Variants in SGCZ observed in about 807,000 individuals in gnomAD.
SGCZ encodes the protein sarcoglycan zeta.
In SGCZ, 40 loss-of-function variants were observed where a neutral mutation model predicts 41.3. The ratio of observed to expected loss-of-function variants is 0.97; its 90% CI spans 0.75 to 1.26. The LOEUF is 1.26. Ranked by LOEUF, SGCZ falls within the 50% of genes most tolerant of loss-of-function variation. SGCZ has a pLI of 0.00. For synonymous variants in SGCZ, 206 were observed against 137.5 expected, an observed-to-expected ratio of 1.50 and a Z score of -3.49; for missense variants, 552 against 369.8, an observed-to-expected ratio of 1.49 and a Z score of -4.04.
intron 1 of SGCZ, among the ~76,000 whole-genome samples, chr8:14,725,036 C>G (rs924749258): frequency 5.9e-5 from 9 of 152,172 alleles, no homozygotes; most frequent in Admixed American, 4.6e-4. Flanking sequence ...GGCCATCATT[C>G]TACTCTCTAT....
intron 2 of SGCZ, among the ~76,000 whole-genome samples, chr8:14,328,797 G>C (rs978573420): frequency 2.6e-5 from 4 of 152,268 alleles, no homozygotes; most frequent in Non-Finnish European, 5.9e-5. Flanking sequence ...GAGGCTTTAA[G>C]ACATTATTAG....
At chr8:14,574,885 A>C (rs1048260061) in intron 1 of SGCZ, among the ~76,000 whole-genome samples, 1 of 152,220 alleles carries the variant, frequency 6.6e-6, no homozygotes, top group African/African-American at 2.4e-5. Context: ...ACTGAGCAAC[A>C]CTGAAAAAAT....
intron 2 of SGCZ, among the ~76,000 whole-genome samples, chr8:14,450,746 G>A (rs890836873): frequency 3.3e-5 from 5 of 152,096 alleles, no homozygotes; most frequent in Admixed American, 3.3e-4. Context: ...TCATTATGAT[G>A]GATTTCTGTG....
At chr8:14,339,541 C>T (rs377641199) in intron 2 of SGCZ, among the ~76,000 whole-genome samples, 51 of 152,264 alleles carry the variant, frequency 3.3e-4, no homozygotes, top group African/African-American at 1.1e-3. Flanking sequence ...TTCCACACGA[C>T]GAATCAGTTG....
chr8:14,293,450 C>T (rs777191001), intron 3 of SGCZ, among the ~76,000 whole-genome samples: 4 of 151,958 alleles, frequency 2.6e-5, no homozygotes, highest in Non-Finnish European at 5.9e-5. Context: ...CACCTACAGA[C>T]ACCCAGTGAT....
At chr8:14,430,841 G>T (rs941215203) in intron 2 of SGCZ, among the ~76,000 whole-genome samples, 1 of 152,160 alleles carries the variant, frequency 6.6e-6, no homozygotes, top group African/African-American at 2.4e-5. Context: ...TAAGAATTCA[G>T]CAAAGTTTCC....
intron 1 of SGCZ, among the ~76,000 whole-genome samples, chr8:14,627,700 A>C (rs1336806540): frequency 1.3e-5 from 2 of 152,032 alleles, no homozygotes; most frequent in African/African-American, 4.8e-5. Context: ...CGCATCATAC[A>C]CCCAGCTGAT....
At chr8:14,962,003 T>C (rs1289962550) in intron 1 of SGCZ, among the ~76,000 whole-genome samples, 1 of 152,196 alleles carries the variant, frequency 6.6e-6, no homozygotes, top group Non-Finnish European at 1.5e-5. Context: ...TTTTATCATA[T>C]GTATCATTTT....
chr8:14,608,336 G>A (rs1466091358), intron 1 of SGCZ, among the ~76,000 whole-genome samples: 1 of 150,780 alleles, frequency 6.6e-6, no homozygotes, highest in Admixed American at 6.6e-5. Flanking sequence ...AATTTATAAA[G>A]AAAAGAGGTT....
intron 1 of SGCZ, among the ~76,000 whole-genome samples, chr8:15,033,375 G>T (rs1339800109): frequency 6.6e-6 from 1 of 151,366 alleles, no homozygotes; most frequent in African/African-American, 2.4e-5. Flanking sequence ...ATAATCCCAG[G>T]CTCCAGACTA....
At chr8:14,922,412 G>A (rs1275615042) in intron 1 of SGCZ, among the ~76,000 whole-genome samples, 3 of 152,034 alleles carry the variant, frequency 2.0e-5, no homozygotes, top group Admixed American at 6.6e-5. Flanking sequence ...ACAGTGATTC[G>A]AGTGAATATG....
At chr8:14,567,914 C>T (rs1804425400) in intron 1 of SGCZ, among the ~76,000 whole-genome samples, 1 of 152,192 alleles carries the variant, frequency 6.6e-6, no homozygotes, top group Non-Finnish European at 1.5e-5. Context: ...CACATCCAAA[C>T]ATCAGAAGGA....
intron 4 of SGCZ, among the ~76,000 whole-genome samples, chr8:14,236,136 A>C (rs1165291304): frequency 6.6e-6 from 1 of 152,212 alleles, no homozygotes; most frequent in Non-Finnish European, 1.5e-5. Context: ...ATAGGCCTAT[A>C]GTTTCTGCAG....
intron 3 of SGCZ, among the ~76,000 whole-genome samples, chr8:14,252,912 G>T (rs1399570191): frequency 1.3e-5 from 2 of 152,060 alleles, no homozygotes; most frequent in Non-Finnish European, 2.9e-5. Flanking sequence ...TGCAAATTTA[G>T]AAATTCAAAG....
At chr8:14,253,314 A>T (rs1171438007) in intron 3 of SGCZ, among the ~76,000 whole-genome samples, 1 of 151,454 alleles carries the variant, frequency 6.6e-6, no homozygotes, top group Non-Finnish European at 1.5e-5. Context: ...ATTTTTGTTT[A>T]TGAATTGCCA....
chr8:14,702,934 TA>T (rs1809211484), intron 1 of SGCZ, among the ~76,000 whole-genome samples: 1 of 103,620 alleles, frequency 9.7e-6, no homozygotes, highest in African/African-American at 3.6e-5. Context: ...GGTAGATAGA[TA>T]GATAGATAGA....
chr8:14,745,280 A>G (rs1213565178), intron 1 of SGCZ, among the ~76,000 whole-genome samples: 1 of 152,144 alleles, frequency 6.6e-6, no homozygotes, highest in Non-Finnish European at 1.5e-5. Flanking sequence ...ACTCTGAGAT[A>G]TGTCCAAGGT....
At chr8:14,650,791 T>C (rs1447572060) in intron 1 of SGCZ, among the ~76,000 whole-genome samples, 1 of 152,066 alleles carries the variant, frequency 6.6e-6, no homozygotes, top group Non-Finnish European at 1.5e-5. Context: ...TCCGGCTCGT[T>C]CATTATCACA....
chr8:14,200,824 C>A (rs2117069550), intron 4 of SGCZ, among the ~76,000 whole-genome samples: 1 of 152,176 alleles, frequency 6.6e-6, no homozygotes, highest in Non-Finnish European at 1.5e-5. Context: ...AAAAGCTGCT[C>A]TTTAAAACAG....
Sources: allele counts gnomAD v4.1 joint callset (sites outside exome capture counted in the v4.1 genomes callset), GRCh38; gene constraint gnomAD v4.1.1; transcripts MANE v1.5; gene names NCBI Gene and HGNC (gene_info 2026-07-23, HGNC 2026-07-21).